Variants in HTR2C observed in about 807,000 individuals in gnomAD.
HTR2C encodes the protein 5-hydroxytryptamine receptor 2C.
HTR2C carries 5 observed loss-of-function variants against 21.0 expected under a neutral mutation model. The observed-to-expected ratio is 0.24, with a 90% CI of 0.12 to 0.50. The LOEUF is 0.50. Among genes scored for constraint, HTR2C ranks in the 20% least tolerant of loss-of-function variants. HTR2C has a pLI of 0.98. For synonymous variants in HTR2C, 150 were observed against 145.3 expected (o/e 1.03, Z -0.23); for missense variants, 271 against 371.2 (o/e 0.73, Z 2.22).
intron 4 of HTR2C, among the ~76,000 whole-genome samples, chrX:114,810,585 A>C (rs2070521397): frequency 9.1e-6 from 1 of 109,304 alleles, no homozygotes; most frequent in Non-Finnish European, 1.9e-5. Flanking sequence ...TCTCCCTCCA[A>C]CAAGCATACA....
intron 2 of HTR2C, among the ~76,000 whole-genome samples, chrX:114,720,519 T>A (rs1933154046): frequency 9.5e-6 from 1 of 105,707 alleles, no homozygotes; most frequent in Non-Finnish European, 2.0e-5. Context: ...TCTTTTTCTT[T>A]TTTTTTTTAA....
chrX:114,833,485 C>T lies in HTR2C; in HGVS notation c.350-14518C>T, dbSNP rs782600924. Among the ~76,000 whole-genome samples, 57 of 110,994 alleles carry T rather than the reference C, an allele frequency of 5.1e-4. 1 individual carries two copies. The highest frequency in any genetic ancestry group is 1.9e-3 in the African/African-American group (57 of 30,589). ...TCTGCTAGATTTTCTAGTTTATTTG[C>T]GTAGAGGTGTTTGTAGTATTCTCTG... On this transcript the variant is annotated intron_variant, in intron 4 of 5. Transcript: ENST00000276198.
chrX:114,734,584 AAAAAAAAAGAC>A (rs2069571396), intron 4 of HTR2C, among the ~76,000 whole-genome samples: 1 of 104,419 alleles, frequency 9.6e-6, no homozygotes, highest in Non-Finnish European at 2.0e-5. Context: ...AAAAAAAAAA[AAAAAAAAAGAC>A]AAAACAAAGC....
intron 1 of HTR2C, among the ~76,000 whole-genome samples, chrX:114,611,858 C>T (rs1369859333): frequency 1.8e-5 from 2 of 110,646 alleles, no homozygotes; most frequent in Non-Finnish European, 1.9e-5. Context: ...CCACCACGCC[C>T]GGCTATTTTT....
At chrX:114,588,010 TTC>T (rs1225714259) in intron 1 of HTR2C, among the ~76,000 whole-genome samples, 1 of 112,523 alleles carries the variant, frequency 8.9e-6, no homozygotes, top group African/African-American at 3.2e-5. Context: ...GGAATTTTAA[TTC>T]TGTTTTTGTC....
intron 4 of HTR2C, chrX:114,823,399 C>G (rs1190160437): frequency 3.0e-6 from 1 of 338,367 alleles, no homozygotes; most frequent in Non-Finnish European, 5.9e-6. Flanking sequence ...CAATCAATGT[C>G]AAGCCTTTCA....
At chrX:114,756,149 A>G (rs1556430176) in intron 4 of HTR2C, among the ~76,000 whole-genome samples, 1 of 111,003 alleles carries the variant, frequency 9.0e-6, no homozygotes. Flanking sequence ...TCACAATGAG[A>G]TACTACTCCA....
chrX:114,826,913 T>C (rs948607850), intron 4 of HTR2C, among the ~76,000 whole-genome samples: 34 of 111,434 alleles, frequency 3.1e-4, no homozygotes, highest in African/African-American at 1.1e-3. Context: ...AACATTCTTT[T>C]GTTTCCTAAT....
rs782009266 is a variant in HTR2C, at chrX:114,620,863, G to A, written c.-80+6982G>A. 3.6e-5 allele frequency among the ~76,000 whole-genome samples: 4 copies of A among 111,502 alleles called. No homozygotes were observed. The South Asian group carries it at 1.5e-3, about 42-fold the overall frequency. On this transcript the variant is annotated intron_variant, in intron 2 of 5. Transcript: ENST00000276198. ...AGACTAGTGCAGTCAGTCTGGGGAGGAATCTGAGTTCTGCATTTTTTTTTT... is the reference window on the plus strand; with the variant it reads ...AGACTAGTGCAGTCAGTCTGGGGAGAAATCTGAGTTCTGCATTTTTTTTTT...
chrX:114,788,790 A>C (rs1240227766), intron 4 of HTR2C, among the ~76,000 whole-genome samples: 1 of 110,151 alleles, frequency 9.1e-6, no homozygotes, highest in Non-Finnish European at 1.9e-5. Context: ...CTGGGACTAC[A>C]GGCATATGCC....
chrX:114,777,778 A>C (rs1001766640), intron 4 of HTR2C, among the ~76,000 whole-genome samples: 17 of 111,199 alleles, frequency 1.5e-4, no homozygotes, highest in African/African-American at 5.6e-4. Flanking sequence ...GGCTGGTGTC[A>C]AACTCCTGAC....
chrX:114,751,625 C>T (rs1263235599), intron 4 of HTR2C, among the ~76,000 whole-genome samples: 2 of 111,390 alleles, frequency 1.8e-5, no homozygotes, highest in Non-Finnish European at 3.8e-5. Context: ...TGGATCAGTG[C>T]CTCAACTGTT....
chrX:114,722,476 G>T (rs373674343), intron 2 of HTR2C, among the ~76,000 whole-genome samples: 397 of 110,985 alleles, frequency 3.6e-3, no homozygotes, highest in Non-Finnish European at 5.8e-3. Flanking sequence ...ACAATTTGAC[G>T]TCCTCTTTTC....
chrX:114,593,840 A>G (rs1398482711), intron 1 of HTR2C, among the ~76,000 whole-genome samples: 1 of 111,860 alleles, frequency 8.9e-6, no homozygotes, highest in Non-Finnish European at 1.9e-5. Flanking sequence ...CACTTCAAAT[A>G]ATAATACTCA....
chrX:114,767,891 AC>A (rs1556435764), intron 4 of HTR2C, among the ~76,000 whole-genome samples: 1 of 110,156 alleles, frequency 9.1e-6, no homozygotes. Flanking sequence ...AGTGAGTGGC[AC>A]ATATAAACCG....
Position 114,858,003 on chromosome X carries a change from G to T in HTR2C, c.550+9800G>T, listed in dbSNP as rs1265815919. ...AATTACAATGGCGTCATTCTCATAA[G>T]TCAGGTTACCTTATATATGTTGTTT... On this transcript the variant is annotated intron_variant, in intron 5 of 5. Coordinates refer to ENST00000276198, the MANE Select transcript of HTR2C (RefSeq NM_000868.4). Among the ~76,000 whole-genome samples the T allele has an allele frequency of 2.7e-5, 3 of 111,080 alleles. No homozygotes were observed. In the Admixed American group the frequency reaches 2.9e-4, roughly 11 times the overall value.
intron 4 of HTR2C, among the ~76,000 whole-genome samples, chrX:114,831,201 G>C (rs2070723355): frequency 1.0e-5 from 1 of 97,605 alleles, no homozygotes; most frequent in South Asian, 5.6e-4. Context: ...AGAGTTCTTT[G>C]GGTATATACC....
intron 2 of HTR2C, among the ~76,000 whole-genome samples, chrX:114,635,573 A>T (rs1253550862): frequency 7.2e-5 from 8 of 111,836 alleles, no homozygotes; most frequent in African/African-American, 2.6e-4. Flanking sequence ...CTTCATTTTG[A>T]CTTTAGTTTC....
At chrX:114,841,931 G>T (rs2070838097) in intron 4 of HTR2C, among the ~76,000 whole-genome samples, 1 of 111,472 alleles carries the variant, frequency 9.0e-6, no homozygotes, top group East Asian at 2.8e-4. Flanking sequence ...AAAATGTTTG[G>T]CATATAGAAA....
Sources: allele counts gnomAD v4.1 joint callset (sites outside exome capture counted in the v4.1 genomes callset), GRCh38; gene constraint gnomAD v4.1.1; transcripts MANE v1.5; gene names NCBI Gene and HGNC (gene_info 2026-07-23, HGNC 2026-07-21).